The following GSPT1 variants were observed in gnomAD, a reference collection of about 807,000 sequenced individuals.
GSPT1 encodes eukaryotic peptide chain release factor GTP-binding subunit ERF3A.
A neutral mutation model predicts 72.5 loss-of-function variants in GSPT1; 20 were observed. The ratio of observed to expected loss-of-function variants is 0.28; its 90% CI spans 0.19 to 0.40. The LOEUF (loss-of-function observed/expected upper bound fraction) is 0.40, where lower values mean the gene tolerates loss of function less well. Among genes scored for constraint, GSPT1 ranks in the 10% least tolerant of loss-of-function variants. The probability of loss-of-function intolerance (pLI) is 1.00; values close to 1 mark genes in which losing one functional copy is unlikely to be tolerated. For missense variants in GSPT1, 580 were observed against 811.9 expected, an observed-to-expected ratio of 0.71 and a Z score of 3.47; for synonymous variants, 334 against 293.5, an observed-to-expected ratio of 1.14 and a Z score of -1.41.
rs139342312 is a variant in GSPT1 at position 11,912,209 on chromosome 16, A to G, written c.352+3160T>C. Among the ~76,000 whole-genome samples the G allele has an allele frequency of 1.7e-3, 265 of 151,976 alleles. 1 individual carries two copies. The highest frequency in any genetic ancestry group is 5.9e-3 in the African/African-American group (244 of 41,486). ...ACACACACACACAAAATAGCTGGGC[A>G]TGATGGCAGGTGCCTGTAATCCCAG... is the stretch of plus-strand genomic sequence containing the variant. On this transcript the variant is annotated intron_variant, in intron 1 of 14. Coordinates refer to ENST00000434724, the MANE Select transcript of GSPT1 (RefSeq NM_002094.4).
At chr16:11,909,845 A>C (rs1314111336) in intron 1 of GSPT1, among the ~76,000 whole-genome samples, 2 of 152,086 alleles carry the variant, frequency 1.3e-5, no homozygotes, top group Non-Finnish European at 2.9e-5. Flanking sequence ...CAATCGCTTG[A>C]ACCTGGGGAG....
chr16:11,910,315 A>G (rs1036070181), intron 1 of GSPT1, among the ~76,000 whole-genome samples: 6 of 152,146 alleles, frequency 3.9e-5, no homozygotes, highest in African/African-American at 1.2e-4. Flanking sequence ...AGCCTTCTCT[A>G]CACTCTCTGC....
In GSPT1 at chr16:11,870,893, T is replaced by G. The variant is rs755173714; in HGVS notation, c.*2226A>C. 3 of 152,228 alleles carry G rather than the reference T, an allele frequency of 2.0e-5. No individual in the cohort carries two copies. The highest frequency in any genetic ancestry group is 4.4e-5 in the Non-Finnish European group (3 of 68,038). The allele number at this position is 152,228 out of a possible 1,614,324, so 9.4% of individuals were successfully genotyped here. On this transcript the variant is annotated 3_prime_UTR_variant, in exon 15 of 15. Transcript: ENST00000434724. ...AAGTTACTTAAGAGTCTTGGCAACA[T>G]GCACATAATAGTCTAACAGTGTAAA...
At chr16:11,887,782 C>T (rs2054202006) in intron 6 of GSPT1, 32 bp from the exon 7 acceptor site, 2 of 1,423,122 alleles carry the variant, frequency 1.4e-6, no homozygotes, top group Non-Finnish European at 2.0e-6. Flanking sequence ...GAACAATATT[C>T]CTAAGAACAT....
At position 11,915,501 on chromosome 16, in the gene GSPT1, T is replaced by G; in HGVS notation, c.220A>C (p.Lys74Gln). Residue 74 changes from lysine to glutamine, a missense_variant, in exon 1 of 15, where the codon AAG becomes CAG. Around this residue, in one of 6 missense-constraint regions of GSPT1, gnomAD observed 327 missense variants for 298.8 expected, o/e 1.09. Transcript: ENST00000434724. ...GCGTGGACGTTGGGCACGAAGGGCTTGGCGTTGACGTTGAGTTGCCGGCTG... is the reference window on the plus strand; with the variant it reads ...GCGTGGACGTTGGGCACGAAGGGCTGGGCGTTGACGTTGAGTTGCCGGCTG... ...AFSRQLNVNA[K>Q]PFVPNVHAAE... 5 of 1,548,186 alleles carry G rather than the reference T, an allele frequency of 3.2e-6. No homozygotes were observed. The highest frequency in any genetic ancestry group is 4.4e-6 in the Non-Finnish European group (5 of 1,149,344).
At chr16:11,906,860 C>G (rs1257086309) in intron 1 of GSPT1, among the ~76,000 whole-genome samples, 2 of 152,012 alleles carry the variant, frequency 1.3e-5, no homozygotes, top group Admixed American at 1.3e-4. Context: ...ATGTAAATCC[C>G]TCCAACAACA....
At chr16:11,882,857 G>A (rs942643574) in intron 11 of GSPT1, among the ~76,000 whole-genome samples, 158 bp downstream of exon 11, 1 of 152,038 alleles carries the variant, frequency 6.6e-6, no homozygotes, top group Non-Finnish European at 1.5e-5. Context: ...CAGCTACTTG[G>A]GAGGCTCAGG....
intron 1 of GSPT1, among the ~76,000 whole-genome samples, chr16:11,898,442 T>A (rs923234501): frequency 8.9e-5 from 3 of 33,698 alleles, no homozygotes; most frequent in Admixed American, 5.7e-4. Context: ...TGATTAGCCC[T>A]TTTTTTTTTT....
In GSPT1 at chr16:11,915,415, G is replaced by A. The variant is rs749223337; in HGVS notation, c.306C>T (p.Gly102=). 1 of 1,506,714 alleles carries A rather than the reference G, an allele frequency of 6.6e-7. No individual in the cohort carries two copies. The highest frequency in any genetic ancestry group is 1.3e-5 in the South Asian group (1 of 79,896). 93.3% of individuals were successfully genotyped at this position (1,506,714 alleles called of 1,614,324 possible). A position where few individuals can be genotyped will look rare whatever the true frequency, so the allele number is the denominator to read the frequency against. The change falls in exon 1 of 15, where the codon GGC becomes GGT. Residue 102 remains glycine, a synonymous_variant. Coordinates refer to ENST00000434724, the MANE Select transcript of GSPT1 (RefSeq NM_002094.4). ...GPAAPPPPVG[G]AANNHGAGSG... ...TGCCGGCTCCGTGGTTATTGGCGGC[G>A]CCGCCAACTGGGGGTGGCGGCGCTG...
rs534220727 is a variant in GSPT1, at chr16:11,901,730, C to A, written c.353-3695G>T. ...TCGCTTGAGCCCAGGTAGCAGAGGTCGCAGTGAGCCAAGATTGCACCACCG... is the reference window on the plus strand; with the variant it reads ...TCGCTTGAGCCCAGGTAGCAGAGGTAGCAGTGAGCCAAGATTGCACCACCG... On this transcript the variant is annotated intron_variant, in intron 1 of 14. Transcript: ENST00000434724. Among the ~76,000 whole-genome samples, 4 of 151,134 alleles carry A rather than the reference C, an allele frequency of 2.6e-5. 1 individual carries two copies. Among genetic ancestry groups the A allele is most frequent in the Non-Finnish European group, 5.9e-5 (4 of 67,798 alleles).
chr16:11,885,224 G>T lies in GSPT1; in HGVS notation c.1304C>A (p.Ser435Ter). 2 of 1,598,604 alleles carry T rather than the reference G, an allele frequency of 1.3e-6. No homozygotes were observed. The highest frequency in any genetic ancestry group is 1.7e-6 in the Non-Finnish European group (2 of 1,166,092). The change falls in exon 10 of 15, where the codon TCA (serine) becomes TAA (stop). Residue 435 changes from serine to a stop codon, truncating the protein, a stop_gained. Transcript: ENST00000434724. LOFTEE classifies it high-confidence loss of function. ...YLDNLPNFNR[S>*]VDGPIRLPIV... ...TGGCAGCCTGATTGGTCCATCAACT[G>T]ATCTATTGAAGTTCGGCAAATTATC...
intron 5 of GSPT1, 81 bp from the exon 6 acceptor site, chr16:11,891,220 G>A (rs994617438): frequency 6.2e-5 from 42 of 675,360 alleles, no homozygotes; most frequent in African/African-American, 5.4e-4. Flanking sequence ...GAAAATTGTC[G>A]AAAATTTCAA....
At chr16:11,885,681 C>T (rs941880672) in intron 9 of GSPT1, among the ~76,000 whole-genome samples, 1 of 152,090 alleles carries the variant, frequency 6.6e-6, no homozygotes, top group Non-Finnish European at 1.5e-5. Flanking sequence ...ATCTCTTGAG[C>T]CCAGGAGTTC....
At chr16:11,906,506 C>G (rs907239448) in intron 1 of GSPT1, among the ~76,000 whole-genome samples, 1 of 152,108 alleles carries the variant, frequency 6.6e-6, no homozygotes, top group Non-Finnish European at 1.5e-5. Context: ...TGGAGGCATA[C>G]AACTGTAGTC....
intron 5 of GSPT1, among the ~76,000 whole-genome samples, chr16:11,894,637 C>T (rs2054312103): frequency 6.6e-6 from 1 of 152,086 alleles, no homozygotes; most frequent in Non-Finnish European, 1.5e-5. Flanking sequence ...AATCACATTA[C>T]AAAAACTACT....
chr16:11,915,777 C>G lies in GSPT1; in HGVS notation c.-57G>C, dbSNP rs755865091. On this transcript the variant is annotated 5_prime_UTR_variant, in exon 1 of 15. Coordinates refer to ENST00000434724, the MANE Select transcript of GSPT1 (RefSeq NM_002094.4). ...GAGCGGGAAATGGAGGCAGGGGCGC[C>G]CGGCCGGAGAGGAGTGGGCAACGCT... 4 of 1,574,814 alleles carry G rather than the reference C, an allele frequency of 2.5e-6. No individual in the cohort carries two copies. Among genetic ancestry groups the G allele is most frequent in the Admixed American group, 3.5e-5 (2 of 57,416 alleles).
chr16:11,873,942 T>TATCC (rs1309719721), intron 14 of GSPT1, among the ~76,000 whole-genome samples: 1 of 152,224 alleles, frequency 6.6e-6, no homozygotes, highest in Non-Finnish European at 1.5e-5. Flanking sequence ...ATTTGTGGAA[T>TATCC]ATCCACCCAG....
intron 1 of GSPT1, among the ~76,000 whole-genome samples, chr16:11,908,000 G>C (rs1332240216): frequency 6.6e-6 from 1 of 152,204 alleles, no homozygotes; most frequent in Non-Finnish European, 1.5e-5. Flanking sequence ...CCAGCACTTT[G>C]GGAGGCTGAA....
intron 6 of GSPT1, 37 bp from the exon 7 acceptor site, chr16:11,887,787 G>A (rs948731952): frequency 1.5e-6 from 2 of 1,351,946 alleles, no homozygotes; most frequent in East Asian, 4.6e-5. Context: ...ATATTCCTAA[G>A]AACATCAGAG....
Sources: gnomAD v4.1 joint callset for allele counts (sites outside exome capture counted in the v4.1 genomes callset) on GRCh38, gnomAD v4.1.1 for gene constraint, gnomAD v4.1.1 regional missense constraint, MANE v1.5 for transcripts, NCBI Gene and HGNC (gene_info 2026-07-23, HGNC 2026-07-21) for gene names.